Variants in SH2D4B observed in about 807,000 individuals in gnomAD.
The protein encoded by SH2D4B is SH2 domain containing 4B.
Under a neutral mutation model 61.5 loss-of-function variants are expected in SH2D4B, and 45 were observed. That is an observed-to-expected ratio of 0.73 (90% CI 0.58 to 0.94). SH2D4B has a LOEUF of 0.94. Among genes scored for constraint, SH2D4B ranks in the 40% least tolerant of loss-of-function variants. The pLI is 0.00. For synonymous variants in SH2D4B, 224 were observed against 220.4 expected, an observed-to-expected ratio of 1.02 and a Z score of -0.14; for missense variants, 572 against 574.2, an observed-to-expected ratio of 1.00 and a Z score of 0.04.
At chr10:80,606,241 G>A (rs1842518757) in intron 5 of SH2D4B, among the ~76,000 whole-genome samples, 1 of 151,764 alleles carries the variant, frequency 6.6e-6, no homozygotes, top group African/African-American at 2.4e-5. Context: ...GTGGCCTCGT[G>A]GAATACACAT....
intron 6 of SH2D4B, among the ~76,000 whole-genome samples, chr10:80,617,609 T>C (rs886873004): frequency 2.0e-5 from 3 of 152,072 alleles, no homozygotes; most frequent in African/African-American, 7.3e-5. Context: ...GAACTTACAT[T>C]CACTTGTGAG....
At chr10:80,584,623 AT>A (rs1170318101) in intron 3 of SH2D4B, among the ~76,000 whole-genome samples, 1 of 152,226 alleles carries the variant, frequency 6.6e-6, no homozygotes, top group Non-Finnish European at 1.5e-5. Flanking sequence ...AAACATCCAA[AT>A]TTCAGAGATG....
In SH2D4B at chr10:80,643,975, C is replaced by CTTT; in HGVS notation, c.1210-12_1210-10dup. On this transcript the variant is annotated splice_polypyrimidine_tract_variant and intron_variant, in intron 7 of 7. Coordinates refer to ENST00000646907, the MANE Select transcript of SH2D4B (RefSeq NM_001388272.1). ...CTGTCTTGATTATAAGTGGATTTTC[C>CTTT]TTTTTTTTCTGTTTTAGGAGGAAAT... 6.2e-7 allele frequency: 1 copy of CTTT among 1,602,388 alleles called. No homozygotes were observed. Among genetic ancestry groups the CTTT allele is most frequent in the Non-Finnish European group, 8.5e-7 (1 of 1,170,704 alleles).
intron 1 of SH2D4B, among the ~76,000 whole-genome samples, chr10:80,543,496 C>T (rs1454405268): frequency 6.6e-6 from 1 of 152,230 alleles, no homozygotes; most frequent in Non-Finnish European, 1.5e-5. Context: ...AGCCTACCCC[C>T]TGCCTCCGTG....
chr10:80,634,449 C>T lies in SH2D4B; in HGVS notation c.1153C>T (p.Leu385=), dbSNP rs1480790420. 2 of 1,550,368 alleles carry T rather than the reference C, an allele frequency of 1.3e-6. No individual in the cohort carries two copies. The highest frequency in any genetic ancestry group is 2.7e-5 in the African/African-American group (2 of 73,006). ...VDASGDFYSF[L]GVDPNRHATL... ...TGCTTCTGGGGATTTTTACAGCTTC[C>T]TGGGAGTGGACCCCAATCGCCATGC... Residue 385 remains leucine (L), a synonymous_variant, in exon 7 of 8, where the codon CTG becomes TTG. Coordinates refer to ENST00000646907, the MANE Select transcript of SH2D4B (RefSeq NM_001388272.1).
At chr10:80,582,236 G>A (rs1452126652) in intron 3 of SH2D4B, among the ~76,000 whole-genome samples, 1 of 152,226 alleles carries the variant, frequency 6.6e-6, no homozygotes, top group African/African-American at 2.4e-5. Flanking sequence ...ATCAGGCAGA[G>A]TGAAGGGAGC....
At chr10:80,571,654 G>A (rs1321725321) in intron 3 of SH2D4B, 76 bp downstream of exon 3, 11 of 1,562,712 alleles carry the variant, frequency 7.0e-6, no homozygotes, top group Middle Eastern at 4.7e-4. Flanking sequence ...CCTCTGGTTT[G>A]GATCAATCCT....
chr10:80,643,955 T>C, intron 7 of SH2D4B, 38 bp from the exon 8 acceptor site: 1 of 1,544,760 alleles, frequency 6.5e-7, no homozygotes, highest in South Asian at 1.1e-5. Context: ...TTTCCCTGTC[T>C]TGATTATAAG....
intron 3 of SH2D4B, among the ~76,000 whole-genome samples, chr10:80,571,930 A>T (rs1022353802): frequency 6.6e-6 from 1 of 151,396 alleles, no homozygotes; most frequent in Non-Finnish European, 1.5e-5. Flanking sequence ...CCACCACCAC[A>T]CCCGGCTAAA....
intron 1 of SH2D4B, among the ~76,000 whole-genome samples, chr10:80,547,749 A>G (rs1841701743): frequency 6.6e-6 from 1 of 152,180 alleles, no homozygotes; most frequent in East Asian, 1.9e-4. Flanking sequence ...AGAGAAAATG[A>G]GGTGTCTAGG....
rs145622744 is a variant in SH2D4B at position 80,570,282 on chromosome 10, C to T, written c.313C>T (p.Arg105Trp). ...ISEELIAERA[R>W]LQAQREAEEL... is the part of the protein sequence containing the mutation. ...TGAGGAGCTGATTGCAGAGAGGGCG[C>T]GGCTGCAGGCACAGAGGGAAGCTGA... The change falls in exon 2 of 8, where the codon CGG becomes TGG. Residue 105 changes from arginine to tryptophan, a missense_variant. Transcript: ENST00000646907. 5.0e-4 allele frequency: 803 copies of T among 1,613,460 alleles called. 6 individuals carry two copies. The highest frequency in any genetic ancestry group is 4.3e-3 in the South Asian group (389 of 91,038).
At chr10:80,638,175 G>T (rs1450648547) in intron 7 of SH2D4B, among the ~76,000 whole-genome samples, 1 of 152,158 alleles carries the variant, frequency 6.6e-6, no homozygotes, top group Admixed American at 6.5e-5. Flanking sequence ...ATGTGCTGCT[G>T]GATTCAGTTT....
rs190774614 is a variant in SH2D4B at position 80,620,346 on chromosome 10, C to T, written c.988+10795C>T. Among the ~76,000 whole-genome samples the T allele has an allele frequency of 4.6e-3, 704 of 152,306 alleles. 9 individuals are homozygous for T. Among genetic ancestry groups the T allele is most frequent in the African/African-American group, 0.016 (677 of 41,562 alleles). On this transcript the variant is annotated intron_variant, in intron 6 of 7. Coordinates refer to ENST00000646907, the MANE Select transcript of SH2D4B (RefSeq NM_001388272.1). ...CCACCTGTGAAGATGTGCTCGCTTC[C>T]CCTTCACCCTTCCGCCATGATTATA...
chr10:80,563,975 G>A (rs563919725), intron 1 of SH2D4B, among the ~76,000 whole-genome samples: 18 of 152,254 alleles, frequency 1.2e-4, no homozygotes, highest in African/African-American at 3.4e-4. Context: ...TATAAAACAC[G>A]TTGAACTGCA....
chr10:80,605,088 C>G (rs1003299229), intron 5 of SH2D4B, among the ~76,000 whole-genome samples: 1 of 152,088 alleles, frequency 6.6e-6, no homozygotes, highest in South Asian at 2.1e-4. Context: ...CCACTGCGTC[C>G]GGCTCTGTTC....
rs1476187955 is a variant in SH2D4B, at chr10:80,603,766, T to A, written c.831T>A (p.Gly277=). Reference sequence around the variant, plus strand: ...TCTACCACCACCTCCCCGACCCGGGTCTGCCGCAGCCCCTTGCCCTGCCGG... The same window carrying A: ...TCTACCACCACCTCCCCGACCCGGGACTGCCGCAGCCCCTTGCCCTGCCGG... ...ARLYHHLPDP[G]LPQPLALPVS... Residue 277 remains glycine, a synonymous_variant, in exon 5 of 8, where the codon GGT becomes GGA. Transcript: ENST00000646907. 2 of 1,611,798 alleles carry A rather than the reference T, an allele frequency of 1.2e-6. No homozygotes were observed. The highest frequency in any genetic ancestry group is 4.5e-5 in the East Asian group (2 of 44,804).
At chr10:80,638,378 T>C (rs922546650) in intron 7 of SH2D4B, among the ~76,000 whole-genome samples, 1 of 152,252 alleles carries the variant, frequency 6.6e-6, no homozygotes, top group Non-Finnish European at 1.5e-5. Context: ...CTCCTCGTTG[T>C]ACCTCTGGTA....
At chr10:80,576,895 G>A (rs1020549703) in intron 3 of SH2D4B, among the ~76,000 whole-genome samples, 5 of 152,146 alleles carry the variant, frequency 3.3e-5, no homozygotes, top group African/African-American at 1.2e-4. Context: ...AGCCTCCCAG[G>A]TAGCTGGGAT....
At chr10:80,629,061 C>T (rs7899326) in intron 6 of SH2D4B, among the ~76,000 whole-genome samples, 13,268 of 150,418 alleles carry the variant, frequency 0.088, 1,152 homozygotes, top group African/African-American at 0.22. Flanking sequence ...AAAGAAATAC[C>T]CAAGACTGGG....
Sources: allele counts gnomAD v4.1 joint callset (sites outside exome capture counted in the v4.1 genomes callset), GRCh38; gene constraint gnomAD v4.1.1; transcripts MANE v1.5; gene names NCBI Gene and HGNC (gene_info 2026-07-23, HGNC 2026-07-21).